SAMD3: variants seen among roughly 807,000 people sequenced by gnomAD.
SAMD3 encodes sterile alpha motif domain-containing protein 3.
Under a neutral mutation model 58.5 loss-of-function variants are expected in SAMD3, and 63 were observed. That is an observed-to-expected ratio of 1.08 (90% CI 0.88 to 1.33). SAMD3 has a LOEUF of 1.33. Ranked by LOEUF, SAMD3 falls within the 40% of genes most tolerant of loss-of-function variation. SAMD3 has a pLI of 0.00. For synonymous variants in SAMD3, 220 were observed against 210.3 expected (o/e 1.05, Z -0.40); for missense variants, 604 against 608.4 (o/e 0.99, Z 0.08).
intron 5 of SAMD3, among the ~76,000 whole-genome samples, chr6:130,188,480 T>C (rs1172090040): frequency 1.3e-5 from 2 of 152,218 alleles, no homozygotes; most frequent in African/African-American, 4.8e-5. Context: ...CTGAATTTGA[T>C]GTGGTCTCGG....
At chr6:130,327,303 A>T (rs1776790364) in intron 1 of SAMD3, among the ~76,000 whole-genome samples, 1 of 152,226 alleles carries the variant, frequency 6.6e-6, no homozygotes, top group African/African-American at 2.4e-5. Context: ...CATTCTAAAG[A>T]AAGCTGCCAG....
At chr6:130,256,730 A>T (rs1268676686) in intron 2 of SAMD3, among the ~76,000 whole-genome samples, 1 of 152,258 alleles carries the variant, frequency 6.6e-6, no homozygotes, top group Non-Finnish European at 1.5e-5. Context: ...CAGAATTGAC[A>T]TAAAAAATAA....
At chr6:130,242,426 G>A (rs1296240367) in intron 2 of SAMD3, among the ~76,000 whole-genome samples, 1 of 152,198 alleles carries the variant, frequency 6.6e-6, no homozygotes, top group Non-Finnish European at 1.5e-5. Flanking sequence ...AATTATACAC[G>A]AAAAGTTCTT....
At chr6:130,227,461 G>A (rs966198748), upstream of SAMD3, among the ~76,000 whole-genome samples, 1 of 152,136 alleles carries the variant, frequency 6.6e-6, no homozygotes, top group African/African-American at 2.4e-5. Context: ...TCAAGTCTCT[G>A]CTTTAGTGGT....
At position 130,184,144 on chromosome 6, in the gene SAMD3, G is replaced by T; in HGVS notation, c.613C>A (p.Leu205Met). 6.2e-7 allele frequency: 1 copy of T among 1,614,068 alleles called. No homozygotes were observed. Among genetic ancestry groups the T allele is most frequent in the Non-Finnish European group, 8.5e-7 (1 of 1,179,964 alleles). Residue 205 changes from leucine to methionine, a missense_variant, in exon 7 of 12, where the codon CTG becomes ATG. Leu to Met is a conservative substitution (Grantham distance 15, BLOSUM62 2). Coordinates refer to ENST00000439090, the MANE Select transcript of SAMD3 (RefSeq NM_001017373.4). The stretch of plus-strand genomic sequence containing the variant: ...TCATCCAGGAAAGGGTGGGCCTGCA[G>T]CAGGGCATTAACCACGTCATTGTAC... ...QQYNDVVNALLQAHPFLDEDG... is the reference protein window; with the variant it reads ...QQYNDVVNALMQAHPFLDEDG...
chr6:130,223,179 A>G (rs562406371), upstream of SAMD3, among the ~76,000 whole-genome samples: 5 of 152,370 alleles, frequency 3.3e-5, no homozygotes, highest in East Asian at 3.9e-4. Flanking sequence ...AAAATTTCCT[A>G]TATCAATCTT....
At chr6:130,178,705 T>C (rs1440398873) in intron 7 of SAMD3, among the ~76,000 whole-genome samples, 5 of 152,204 alleles carry the variant, frequency 3.3e-5, no homozygotes, top group Non-Finnish European at 5.9e-5. Context: ...TCTTCAACTA[T>C]AAAACGGAAC....
At chr6:130,262,309 GA>G (rs34618374) in intron 2 of SAMD3, among the ~76,000 whole-genome samples, 5,596 of 147,214 alleles carry the variant, frequency 0.038, 168 homozygotes, top group Middle Eastern at 0.15. Context: ...AAAAAAGTAA[GA>G]AAAAAAAAAA....
intron 8 of SAMD3, among the ~76,000 whole-genome samples, chr6:130,155,732 T>C (rs1050490274): frequency 6.6e-6 from 1 of 152,110 alleles, no homozygotes; most frequent in African/African-American, 2.4e-5. Flanking sequence ...ATGATACCTA[T>C]AAAAGACGAA....
chr6:130,324,234 C>CAGGCTTTTTA (rs2115004584), intron 1 of SAMD3, among the ~76,000 whole-genome samples: 2 of 152,230 alleles, frequency 1.3e-5, no homozygotes, highest in Admixed American at 1.3e-4. Flanking sequence ...TTTAAATTAG[C>CAGGCTTTTTA]AGTTACCTTC....
At chr6:130,157,508 T>C (rs1789897807) in intron 8 of SAMD3, among the ~76,000 whole-genome samples, 1 of 152,178 alleles carries the variant, frequency 6.6e-6, no homozygotes, top group South Asian at 2.1e-4. Context: ...TTTGTATTTT[T>C]TGTAGAGACA....
chr6:130,275,246 G>A (rs12189819), intron 2 of SAMD3, among the ~76,000 whole-genome samples: 47,272 of 151,942 alleles, frequency 0.31, 7,733 homozygotes, highest in East Asian at 0.47. Context: ...AACTTTGACT[G>A]TGAAGACTTA....
At chr6:130,322,639 A>G (rs540085354) in intron 1 of SAMD3, among the ~76,000 whole-genome samples, 99 of 152,352 alleles carry the variant, frequency 6.5e-4, no homozygotes, top group African/African-American at 2.3e-3. Flanking sequence ...GACTGTCTCA[A>G]AAAACCAAAC....
intron 2 of SAMD3, among the ~76,000 whole-genome samples, chr6:130,260,823 T>A (rs903437701): frequency 4.6e-5 from 7 of 152,246 alleles, no homozygotes; most frequent in Non-Finnish European, 1.0e-4. Flanking sequence ...ATCAACGCAG[T>A]GGCTGAACAC....
intron 2 of SAMD3, among the ~76,000 whole-genome samples, chr6:130,282,164 G>C (rs1298680598): frequency 6.6e-6 from 1 of 151,960 alleles, no homozygotes; most frequent in African/African-American, 2.4e-5. Context: ...ACGCACACGT[G>C]CAGGGAGATG....
intron 2 of SAMD3, among the ~76,000 whole-genome samples, chr6:130,240,807 G>A (rs910491763): frequency 6.6e-6 from 1 of 152,144 alleles, no homozygotes; most frequent in Admixed American, 6.5e-5. Flanking sequence ...TGCCCACACC[G>A]GATGCCAGTT....
chr6:130,229,060 G>C (rs1228423338), intron 2 of SAMD3, among the ~76,000 whole-genome samples: 1 of 152,216 alleles, frequency 6.6e-6, no homozygotes, highest in African/African-American at 2.4e-5. Flanking sequence ...AGTCCTCTGA[G>C]AGAGAAGGAC....
At chr6:130,268,089 G>A (rs1774427385) in intron 2 of SAMD3, among the ~76,000 whole-genome samples, 1 of 152,160 alleles carries the variant, frequency 6.6e-6, no homozygotes, top group African/African-American at 2.4e-5. Flanking sequence ...TGATGCTGGT[G>A]TAAACAAACC....
At chr6:130,348,418 G>T (rs1372620500) in intron 1 of SAMD3, among the ~76,000 whole-genome samples, 1 of 151,942 alleles carries the variant, frequency 6.6e-6, no homozygotes, top group South Asian at 2.1e-4. Context: ...AAAAGGCAGG[G>T]GTTGCAATCC....
Sources: gnomAD v4.1 joint callset for allele counts (sites outside exome capture counted in the v4.1 genomes callset) on GRCh38, gnomAD v4.1.1 for gene constraint, MANE v1.5 for transcripts, NCBI Gene and HGNC (gene_info 2026-07-23, HGNC 2026-07-21) for gene names.